Variants in KRABD2 observed in about 807,000 individuals in gnomAD.
KRABD2 encodes the protein KRAB domain-containing protein 2.
chr17:8,368,506 G>A, the KRABD2 span: 5 of 152,160 alleles, frequency 3.3e-5, no homozygotes, highest in African/African-American at 4.8e-5. Context: ...CTAGAGAAAG[G>A]AGAAAGGCAT....
chr17:8,366,946 C>A, the KRABD2 span, among the ~76,000 whole-genome samples: 1 of 151,782 alleles, frequency 6.6e-6, no homozygotes, highest in Non-Finnish European at 1.5e-5. Context: ...GGTCTCGAAC[C>A]CCTGACCTCA....
At chr17:8,370,568 A>G in the KRABD2 span, among the ~76,000 whole-genome samples, 1 of 152,246 alleles carries the variant, frequency 6.6e-6, no homozygotes, top group Non-Finnish European at 1.5e-5. Flanking sequence ...CCAAAACCAC[A>G]GCATAGCAAC....
chr17:8,369,236 C>T, the KRABD2 span: 2 of 1,614,236 alleles, frequency 1.2e-6, no homozygotes, highest in Non-Finnish European at 1.7e-6. Context: ...CTGCTCCAAT[C>T]TCAGCCCTTT....
chr17:8,370,303 C>A, the KRABD2 span: 1 of 1,611,280 alleles, frequency 6.2e-7, no homozygotes, highest in Non-Finnish European at 8.5e-7. Context: ...TTACTTATCT[C>A]CATTTCCATT....
chr17:8,367,724 C>T, the KRABD2 span, among the ~76,000 whole-genome samples: 6 of 151,060 alleles, frequency 4.0e-5, no homozygotes, highest in African/African-American at 1.2e-4. Flanking sequence ...GAGGACCCTG[C>T]GGCCTTCCGC....
At chr17:8,363,863 T>TA in the KRABD2 span, among the ~76,000 whole-genome samples, 2,838 of 54,398 alleles carry the variant, frequency 0.052, 43 homozygotes, top group Middle Eastern at 0.07. Context: ...ATATATATAT[T>TA]TATTTATTTA....
At chr17:8,374,051 GC>G in the KRABD2 span, among the ~76,000 whole-genome samples, 10 of 150,372 alleles carry the variant, frequency 6.7e-5, no homozygotes, top group East Asian at 1.4e-3. Flanking sequence ...GTGGGGGGCA[GC>G]CCCCGCCCGG....
the KRABD2 span, chr17:8,360,032 C>T: frequency 5.5e-6 from 2 of 361,056 alleles, no homozygotes; most frequent in Non-Finnish European, 1.1e-5. Context: ...GAAAGGCTCA[C>T]AAGCACTCAT....
chr17:8,376,694 G>A, the KRABD2 span: 2 of 984,080 alleles, frequency 2.0e-6, no homozygotes, highest in African/African-American at 1.7e-5. Flanking sequence ...AGGCCCCCGA[G>A]CAGCAACTCC....
At chr17:8,374,558 C>G in the KRABD2 span, among the ~76,000 whole-genome samples, 3 of 150,954 alleles carry the variant, frequency 2.0e-5, no homozygotes, top group Non-Finnish European at 4.4e-5. Context: ...CTGACCTTCC[C>G]TCCACTATTG....
chr17:8,370,301 C>T, the KRABD2 span: 219 of 1,611,576 alleles, frequency 1.4e-4, 1 homozygote, highest in South Asian at 1.6e-3. Context: ...TGTTACTTAT[C>T]TCCATTTCCA....
chr17:8,367,353 T>C, the KRABD2 span: 1 of 151,886 alleles, frequency 6.6e-6, no homozygotes, highest in African/African-American at 2.4e-5. Context: ...AAAAATTAGC[T>C]GGGTTCGTGG....
chr17:8,374,155 G>A, the KRABD2 span, among the ~76,000 whole-genome samples: 1 of 152,280 alleles, frequency 6.6e-6, no homozygotes, highest in Non-Finnish European at 1.5e-5. Context: ...GACGGGCCAT[G>A]GTGACGATGG....
At chr17:8,366,726 CT>C in the KRABD2 span, among the ~76,000 whole-genome samples, 14 of 147,924 alleles carry the variant, frequency 9.5e-5, no homozygotes, top group South Asian at 4.3e-4. Context: ...CCTTCATCTA[CT>C]TTTTTTTTTT....
At chr17:8,365,149 A>G in the KRABD2 span, among the ~76,000 whole-genome samples, 4 of 152,198 alleles carry the variant, frequency 2.6e-5, no homozygotes, top group Non-Finnish European at 5.9e-5. Flanking sequence ...TGCAGGCCAG[A>G]CTGGGTCCAG....
At chr17:8,373,205 C>T in the KRABD2 span, among the ~76,000 whole-genome samples, 1 of 151,682 alleles carries the variant, frequency 6.6e-6, no homozygotes, top group African/African-American at 2.4e-5. Context: ...TCTCTCTCCA[C>T]GGTCTCCCTC....
the KRABD2 span, chr17:8,371,669 C>T: frequency 7.1e-7 from 1 of 1,409,040 alleles, no homozygotes; most frequent in Admixed American, 2.9e-5. Context: ...GTCTGTTGGT[C>T]TGGCCAGTTT....
chr17:8,366,136 A>AAT, the KRABD2 span, among the ~76,000 whole-genome samples: 165 of 151,774 alleles, frequency 1.1e-3, no homozygotes, highest in African/African-American at 3.7e-3. Context: ...CTCAAAAAAA[A>AAT]AATAATAAAA....
At chr17:8,373,485 GC>G in the KRABD2 span, 1 of 191,876 alleles carries the variant, frequency 5.2e-6, no homozygotes, top group Non-Finnish European at 1.1e-5. Flanking sequence ...GCTCAATGTT[GC>G]CCAGGCTGGA....
Sources: gnomAD v4.1 joint callset for allele counts (sites outside exome capture counted in the v4.1 genomes callset) on GRCh38, gnomAD v4.1.1 for gene constraint, MANE v1.5 for transcripts, NCBI Gene and HGNC (gene_info 2026-07-23, HGNC 2026-07-21) for gene names.